Variants in TNNI3K observed in about 807,000 individuals in gnomAD.
The protein encoded by TNNI3K is serine/threonine-protein kinase TNNI3K.
Under a neutral mutation model 114.5 loss-of-function variants are expected in TNNI3K, and 140 were observed. The observed-to-expected ratio is 1.22, with a 90% CI of 1.07 to 1.41. TNNI3K has a LOEUF of 1.41. Ranked by LOEUF, TNNI3K falls within the 40% of genes most tolerant of loss-of-function variation. The probability of loss-of-function intolerance (pLI) is 0.00; values close to 1 mark genes in which losing one functional copy is unlikely to be tolerated. For synonymous variants in TNNI3K, 347 were observed against 347.5 expected, an observed-to-expected ratio of 1.00 and a Z score of 0.02; for missense variants, 1,125 against 1,007.6, an observed-to-expected ratio of 1.12 and a Z score of -1.58.
chr1:74,506,312 TA>T (rs1356167104), intron 23 of TNNI3K, among the ~76,000 whole-genome samples: 4 of 152,298 alleles, frequency 2.6e-5, no homozygotes, highest in Admixed American at 2.6e-4. Context: ...AAGAGTTATT[TA>T]TCAGTATTCT....
At chr1:74,537,423 C>T (rs534253866) in intron 23 of TNNI3K, among the ~76,000 whole-genome samples, 2 of 152,252 alleles carry the variant, frequency 1.3e-5, no homozygotes, top group South Asian at 4.1e-4. Flanking sequence ...TAAAAAACAA[C>T]ATCTCTACTC....
At chr1:74,539,911 AG>A (rs771313233) in intron 23 of TNNI3K, among the ~76,000 whole-genome samples, 26 of 152,220 alleles carry the variant, frequency 1.7e-4, no homozygotes, top group Middle Eastern at 3.4e-3. Context: ...CTTTTTAGTA[AG>A]GATTACAAGC....
chr1:74,394,966 C>G (rs1358521841), intron 17 of TNNI3K, among the ~76,000 whole-genome samples: 5 of 151,872 alleles, frequency 3.3e-5, no homozygotes, highest in Admixed American at 2.6e-4. Flanking sequence ...ATAGCGTGAA[C>G]CCGGGAGGTG....
intron 23 of TNNI3K, among the ~76,000 whole-genome samples, chr1:74,515,486 A>G (rs1470247357): frequency 6.6e-6 from 1 of 152,186 alleles, no homozygotes; most frequent in Non-Finnish European, 1.5e-5. Context: ...GATACTAGGA[A>G]AGGGTGTGCT....
chr1:74,513,098 C>T (rs1646285892), intron 23 of TNNI3K, among the ~76,000 whole-genome samples: 2 of 152,188 alleles, frequency 1.3e-5, no homozygotes. Context: ...TTAGAATCAA[C>T]CTAGCACACA....
At chr1:74,250,539 C>A in intron 3 of TNNI3K, 133 bp from the exon 4 acceptor site, 1 of 699,842 alleles carries the variant, frequency 1.4e-6, no homozygotes, top group Non-Finnish European at 2.2e-6. Context: ...TAATAGAAAA[C>A]TTTACAAATG....
At chr1:74,441,649 G>A (rs1357116956) in intron 20 of TNNI3K, among the ~76,000 whole-genome samples, 1 of 152,040 alleles carries the variant, frequency 6.6e-6, no homozygotes, top group Non-Finnish European at 1.5e-5. Context: ...CCAGCACTTT[G>A]AGTTGTTTAT....
At chr1:74,267,534 A>T (rs1656074810) in intron 4 of TNNI3K, among the ~76,000 whole-genome samples, 2 of 151,956 alleles carry the variant, frequency 1.3e-5, no homozygotes, top group South Asian at 4.1e-4. Context: ...CGGCTATAAA[A>T]TAGGGTTAAT....
At chr1:74,342,300 T>A (rs942252905) in intron 7 of TNNI3K, among the ~76,000 whole-genome samples, 6 of 152,186 alleles carry the variant, frequency 3.9e-5, no homozygotes, top group African/African-American at 1.4e-4. Flanking sequence ...TGCCTAAGTC[T>A]AAATTGCTTT....
chr1:74,273,990 GAGTT>G (rs1238542757), intron 5 of TNNI3K, among the ~76,000 whole-genome samples: 1 of 151,828 alleles, frequency 6.6e-6, no homozygotes, highest in East Asian at 1.9e-4. Flanking sequence ...ACCAATGTGG[GAGTT>G]AGGAGCACTG....
At chr1:74,287,639 A>G (rs1177088129) in intron 5 of TNNI3K, among the ~76,000 whole-genome samples, 1 of 152,166 alleles carries the variant, frequency 6.6e-6, no homozygotes, top group Admixed American at 6.5e-5. Context: ...CTAGAAGAAA[A>G]CATAGAGAAA....
intron 17 of TNNI3K, among the ~76,000 whole-genome samples, chr1:74,385,156 A>G (rs1262433556): frequency 6.6e-6 from 1 of 152,182 alleles, no homozygotes; most frequent in Non-Finnish European, 1.5e-5. Flanking sequence ...ATACCATATT[A>G]TCCCACTTGT....
At chr1:74,540,153 T>G in intron 23 of TNNI3K, 81 bp from the exon 24 acceptor site, 1 of 1,473,152 alleles carries the variant, frequency 6.8e-7, no homozygotes, top group Non-Finnish European at 9.3e-7. Flanking sequence ...GGGATCTATG[T>G]TGAGTGGAAA....
chr1:74,247,256 A>G (rs1654625150), intron 2 of TNNI3K, among the ~76,000 whole-genome samples: 1 of 151,938 alleles, frequency 6.6e-6, no homozygotes, highest in African/African-American at 2.4e-5. Context: ...AGTGAGTGTT[A>G]CAGCTCTTAC....
At chr1:74,303,305 G>A (rs191543982) in intron 5 of TNNI3K, among the ~76,000 whole-genome samples, 34 of 152,152 alleles carry the variant, frequency 2.2e-4, no homozygotes, top group Admixed American at 6.5e-4. Context: ...TGATTCTCCT[G>A]CCACCTGCCA....
At position 74,336,130 on chromosome 1, in the gene TNNI3K, A is replaced by T. The variant is rs762825238; in HGVS notation, c.663A>T (p.Glu221Asp). The T allele has an allele frequency of 2.5e-6, 4 of 1,603,754 alleles. No homozygotes were observed. The highest frequency in any genetic ancestry group is 3.3e-4 in the Middle Eastern group (2 of 6,052). The change falls in exon 7 of 25, where the codon GAA (glutamate) becomes GAT (aspartate). Residue 221 changes from glutamate to aspartate, a missense_variant. By Grantham distance (45) the Glu-to-Asp change is conservative. Coordinates refer to ENST00000326637, the MANE Select transcript of TNNI3K (RefSeq NM_015978.3). ...TGAATATTGCAAAACTCTTGATGGAAGAAGGCAGCAAAGCAGATGGTAAGA... is the reference window on the plus strand; with the variant it reads ...TGAATATTGCAAAACTCTTGATGGATGAAGGCAGCAAAGCAGATGGTAAGA... ...GFLNIAKLLM[E>D]EGSKADVNAQ...
chr1:74,540,366 A>T, intron 24 of TNNI3K, 53 bp downstream of exon 24: 1 of 1,558,628 alleles, frequency 6.4e-7, no homozygotes, highest in Non-Finnish European at 8.8e-7. Context: ...TAGGAAGGTG[A>T]TGTCTATTTG....
intron 11 of TNNI3K, chr1:74,366,560 T>C (rs1241829344): frequency 3.3e-5 from 5 of 151,930 alleles, no homozygotes; most frequent in Admixed American, 6.6e-5. Context: ...AGCCAGCAAA[T>C]GGGAAGAGTA....
intron 23 of TNNI3K, among the ~76,000 whole-genome samples, chr1:74,517,288 G>A (rs1182526306): frequency 6.6e-6 from 1 of 152,152 alleles, no homozygotes; most frequent in Non-Finnish European, 1.5e-5. Context: ...GTAAATCAAT[G>A]CCTCATTAAC....
Sources: gnomAD v4.1 joint callset for allele counts (sites outside exome capture counted in the v4.1 genomes callset) on GRCh38, gnomAD v4.1.1 for gene constraint, MANE v1.5 for transcripts, NCBI Gene and HGNC (gene_info 2026-07-23, HGNC 2026-07-21) for gene names.